Variants in RPTOR observed in about 807,000 individuals in gnomAD.
RPTOR encodes the protein regulatory-associated protein of mTOR.
Under a neutral mutation model 169.9 loss-of-function variants are expected in RPTOR, and 21 were observed. That is an observed-to-expected ratio of 0.12 (90% CI 0.09 to 0.18). RPTOR has a LOEUF of 0.18. Ranked by LOEUF, RPTOR falls within the 10% of genes least tolerant of loss-of-function variation. The probability of loss-of-function intolerance (pLI) is 1.00; values close to 1 mark genes in which losing one functional copy is unlikely to be tolerated. For missense variants in RPTOR, 1,133 were observed against 1,855.9 expected (o/e 0.61, Z 7.16); for synonymous variants, 732 against 753.2 (o/e 0.97, Z 0.46).
chr17:80,827,917 A>G (rs1296300846), intron 9 of RPTOR, among the ~76,000 whole-genome samples: 1 of 152,202 alleles, frequency 6.6e-6, no homozygotes, highest in Non-Finnish European at 1.5e-5. Flanking sequence ...ACTGATGAGA[A>G]ACTGGGGTGT....
intron 1 of RPTOR, among the ~76,000 whole-genome samples, chr17:80,587,756 A>G (rs569817652): frequency 5.3e-5 from 8 of 150,048 alleles, no homozygotes; most frequent in African/African-American, 1.9e-4. Context: ...ATTAACAACC[A>G]TCACCACACA....
At chr17:80,584,711 C>G (rs531690080) in intron 1 of RPTOR, among the ~76,000 whole-genome samples, 1 of 152,218 alleles carries the variant, frequency 6.6e-6, no homozygotes, top group African/African-American at 2.4e-5. Flanking sequence ...CGGGCCTGTC[C>G]GGATGGAACG....
rs988008209 is a variant in RPTOR, at chr17:80,845,528, T to C, written c.1213-945T>C. On this transcript the variant is annotated intron_variant, in intron 10 of 33. Coordinates refer to ENST00000306801, the MANE Select transcript of RPTOR (RefSeq NM_020761.3). The surrounding 1 kb of genome is among the most constrained non-coding windows in gnomAD (Gnocchi z 5.4). Reference sequence around the variant, plus strand: ...CCCCCTTGCTTTGCCGCCTGCCTGGTTCCCCTGGGGAGCAGCCCTGCTCTG... The same window carrying C: ...CCCCCTTGCTTTGCCGCCTGCCTGGCTCCCCTGGGGAGCAGCCCTGCTCTG... Among the ~76,000 whole-genome samples, 2 of 151,480 alleles carry C rather than the reference T, an allele frequency of 1.3e-5. No individual in the cohort carries two copies. The highest frequency in any genetic ancestry group is 3.9e-4 in the East Asian group (2 of 5,154).
chr17:80,900,274 C>CT (rs1427897839), intron 20 of RPTOR, among the ~76,000 whole-genome samples: 5 of 152,076 alleles, frequency 3.3e-5, no homozygotes, highest in Non-Finnish European at 7.4e-5. Flanking sequence ...CAGCTCTCTC[C>CT]CGGGTCTCCC....
At chr17:80,697,062 G>C (rs918453673) in intron 3 of RPTOR, among the ~76,000 whole-genome samples, 2 of 152,124 alleles carry the variant, frequency 1.3e-5, no homozygotes, top group African/African-American at 4.8e-5. Context: ...GGTGGGTCCT[G>C]AGCTCTTGTC....
At chr17:80,879,969 G>C (rs903118272) in intron 13 of RPTOR, among the ~76,000 whole-genome samples, 19 of 152,226 alleles carry the variant, frequency 1.2e-4, no homozygotes, top group African/African-American at 4.1e-4. Context: ...ACACACGATT[G>C]GTTTTCAGCA....
At chr17:80,600,695 C>T (rs1052619581) in intron 1 of RPTOR, among the ~76,000 whole-genome samples, 15 of 152,106 alleles carry the variant, frequency 9.9e-5, no homozygotes, top group Middle Eastern at 3.2e-3. Context: ...GTTTAGGTGA[C>T]GAGACCCCAG....
intron 7 of RPTOR, among the ~76,000 whole-genome samples, chr17:80,814,883 G>T (rs1304236115): frequency 1.3e-5 from 2 of 152,178 alleles, no homozygotes; most frequent in African/African-American, 4.8e-5. Flanking sequence ...CTGGGTTGGT[G>T]TGGGAGAGAC....
chr17:80,622,148 A>G (rs995000709), intron 1 of RPTOR, among the ~76,000 whole-genome samples: 3 of 152,226 alleles, frequency 2.0e-5, no homozygotes, highest in Non-Finnish European at 2.9e-5. Flanking sequence ...GGGACCCTGC[A>G]GATGACTGTA....
intron 13 of RPTOR, among the ~76,000 whole-genome samples, chr17:80,863,724 C>G (rs1598361003): frequency 6.6e-6 from 1 of 152,280 alleles, no homozygotes; most frequent in East Asian, 1.9e-4. Flanking sequence ...CAATACCAGC[C>G]TGAGCAACAT....
intron 5 of RPTOR, among the ~76,000 whole-genome samples, chr17:80,749,844 C>T (rs1232434575): frequency 2.0e-5 from 3 of 152,132 alleles, no homozygotes; most frequent in Admixed American, 6.5e-5. Context: ...TCCTGAGTAG[C>T]TGGGACTGCA....
chr17:80,770,923 C>G (rs558222767), intron 6 of RPTOR, among the ~76,000 whole-genome samples: 1 of 152,354 alleles, frequency 6.6e-6, no homozygotes, highest in African/African-American at 2.4e-5. Context: ...GCTGTCACCA[C>G]TCAGCTTCTC....
chr17:80,840,379 C>T (rs1390849366), intron 10 of RPTOR, among the ~76,000 whole-genome samples: 1 of 146,360 alleles, frequency 6.8e-6, no homozygotes, highest in Non-Finnish European at 1.5e-5. Context: ...CACCACACGG[C>T]AGCTCACTCT....
intron 1 of RPTOR, among the ~76,000 whole-genome samples, chr17:80,546,957 T>G (rs2084283732): frequency 6.6e-6 from 1 of 152,128 alleles, no homozygotes; most frequent in Admixed American, 6.6e-5. Context: ...TAATCCCAGC[T>G]ACTCGAGAAG....
At chr17:80,734,606 C>T (rs1285137802) in intron 5 of RPTOR, among the ~76,000 whole-genome samples, 1 of 152,236 alleles carries the variant, frequency 6.6e-6, no homozygotes, top group Non-Finnish European at 1.5e-5. Context: ...GGGGACCAGG[C>T]ATCCTTAGCC....
At chr17:80,697,171 T>TG (rs60129826) in intron 3 of RPTOR, among the ~76,000 whole-genome samples, 15,286 of 152,150 alleles carry the variant, frequency 0.1, 1,011 homozygotes, top group East Asian at 0.24. Flanking sequence ...AGAGGGGACA[T>TG]GGGGGCGGTC....
intron 5 of RPTOR, among the ~76,000 whole-genome samples, chr17:80,745,584 A>C (rs1473784204): frequency 6.6e-6 from 1 of 152,202 alleles, no homozygotes; most frequent in Non-Finnish European, 1.5e-5. Context: ...TGCCACATTA[A>C]TATCTTTGAC....
chr17:80,662,275 C>T (rs1378628800), intron 3 of RPTOR, among the ~76,000 whole-genome samples: 2 of 152,186 alleles, frequency 1.3e-5, no homozygotes, highest in East Asian at 3.9e-4. Context: ...ACTGAACGCC[C>T]CGATGAGTTC....
chr17:80,875,771 G>A (rs796811399), intron 13 of RPTOR, among the ~76,000 whole-genome samples: 53 of 142,126 alleles, frequency 3.7e-4, no homozygotes, highest in Non-Finnish European at 6.9e-4. Flanking sequence ...TCTTCACACC[G>A]AGCCTGTGCC....
Sources: gnomAD v4.1 joint callset for allele counts (sites outside exome capture counted in the v4.1 genomes callset) on GRCh38, gnomAD v4.1.1 for gene constraint, Gnocchi (gnomAD v3.1) non-coding constraint, MANE v1.5 for transcripts, NCBI Gene and HGNC (gene_info 2026-07-23, HGNC 2026-07-21) for gene names.